Variants in ZRANB3 observed in about 807,000 individuals in gnomAD.
The protein encoded by ZRANB3 is DNA annealing helicase and endonuclease ZRANB3.
In ZRANB3, 125 loss-of-function variants were observed where a neutral mutation model predicts 133.8. The ratio of observed to expected loss-of-function variants is 0.93; its 90% CI spans 0.81 to 1.08. The LOEUF (loss-of-function observed/expected upper bound fraction) is 1.08. Ranked by LOEUF, ZRANB3 falls within the 50% of genes least tolerant of loss-of-function variation. The probability of loss-of-function intolerance (pLI) is 0.00; values close to 1 mark genes in which losing one functional copy is unlikely to be tolerated. For synonymous variants in ZRANB3, 387 were observed against 432.7 expected, an observed-to-expected ratio of 0.89 and a Z score of 1.31; for missense variants, 1,229 against 1,275.5, an observed-to-expected ratio of 0.96 and a Z score of 0.56.
chr2:135,414,855 C>T (rs1688481523), intron 2 of ZRANB3, among the ~76,000 whole-genome samples: 2 of 152,114 alleles, frequency 1.3e-5, no homozygotes, highest in South Asian at 4.1e-4. Context: ...TGAATGACTA[C>T]TGGGTATATA....
chr2:135,262,430 G>A (rs1680010885), intron 12 of ZRANB3, among the ~76,000 whole-genome samples: 1 of 152,000 alleles, frequency 6.6e-6, no homozygotes, highest in Non-Finnish European at 1.5e-5. Flanking sequence ...TTTCTGATCA[G>A]TTCTTTGAAA....
intron 12 of ZRANB3, among the ~76,000 whole-genome samples, chr2:135,253,115 G>A (rs1679482838): frequency 6.6e-6 from 1 of 152,204 alleles, no homozygotes; most frequent in African/African-American, 2.4e-5. Context: ...GTGCCTGATA[G>A]TACCAAAGTA....
chr2:135,275,303 C>T (rs182820244), intron 9 of ZRANB3, among the ~76,000 whole-genome samples: 1,504 of 147,218 alleles, frequency 0.01, 21 homozygotes, highest in African/African-American at 0.038. Flanking sequence ...GGGGGCTGCC[C>T]CCCACCTCCC....
At chr2:135,316,967 G>GAAAAAAAAAA (rs36092486) in intron 6 of ZRANB3, among the ~76,000 whole-genome samples, 1 of 98,132 alleles carries the variant, frequency 1.0e-5, no homozygotes, top group Non-Finnish European at 2.4e-5. Context: ...TCCGTCTCGA[G>GAAAAAAAAAA]AAAAAAAAAA....
intron 2 of ZRANB3, among the ~76,000 whole-genome samples, chr2:135,399,399 G>A (rs560931690): frequency 3.5e-4 from 54 of 152,244 alleles, no homozygotes; most frequent in Admixed American, 1.2e-3. Flanking sequence ...AAAATTCACA[G>A]GTTTTTAAAA....
chr2:135,261,080 T>C (rs1679941123), intron 12 of ZRANB3, among the ~76,000 whole-genome samples: 1 of 151,228 alleles, frequency 6.6e-6, no homozygotes, highest in Non-Finnish European at 1.5e-5. Context: ...ATAAAAATTT[T>C]TGAGTCAAAG....
intron 2 of ZRANB3, among the ~76,000 whole-genome samples, chr2:135,444,711 A>C (rs1316190836): frequency 6.6e-6 from 1 of 152,224 alleles, no homozygotes; most frequent in Non-Finnish European, 1.5e-5. Flanking sequence ...GGTAAAACGG[A>C]AATTCTAAAA....
chr2:135,448,399 C>T (rs1202083304), intron 2 of ZRANB3, among the ~76,000 whole-genome samples: 3 of 152,298 alleles, frequency 2.0e-5, no homozygotes, highest in East Asian at 1.9e-4. Flanking sequence ...TATGATGAAA[C>T]TTCAATCACA....
chr2:135,218,265 G>A (rs1296776592), intron 16 of ZRANB3, among the ~76,000 whole-genome samples: 1 of 152,160 alleles, frequency 6.6e-6, no homozygotes, highest in Admixed American at 6.5e-5. Context: ...AGGCAAAACT[G>A]GGTGACAGAA....
At chr2:135,223,428 C>T (rs1003351957) in intron 15 of ZRANB3, among the ~76,000 whole-genome samples, 1 of 150,916 alleles carries the variant, frequency 6.6e-6, no homozygotes, top group African/African-American at 2.4e-5. Flanking sequence ...CAGGTTCAAG[C>T]GATTCTCCTG....
chr2:135,355,516 C>A (rs1685393528), intron 3 of ZRANB3, among the ~76,000 whole-genome samples: 1 of 152,084 alleles, frequency 6.6e-6, no homozygotes, highest in African/African-American at 2.4e-5. Context: ...CCCCACCACG[C>A]CTGGCTAATT....
intron 2 of ZRANB3, among the ~76,000 whole-genome samples, chr2:135,414,419 A>C (rs898862708): frequency 1.3e-5 from 2 of 152,200 alleles, no homozygotes; most frequent in African/African-American, 4.8e-5. Flanking sequence ...CTAAATATAT[A>C]TGCACCCAAT....
rs921036948 is a variant in ZRANB3 at position 135,338,570 on chromosome 2, G to A, written c.677+6980C>T. Among the ~76,000 whole-genome samples, 5 of 152,196 alleles carry A rather than the reference G, an allele frequency of 3.3e-5. No homozygotes were observed. In the South Asian group the frequency reaches 6.2e-4, roughly 19 times the overall value. Reference sequence around the variant, plus strand: ...CAAGACATCCAGGGAAAATCAGTGCGTGTGTTTTACACATATACATTTTAA... The same window carrying A: ...CAAGACATCCAGGGAAAATCAGTGCATGTGTTTTACACATATACATTTTAA... On this transcript the variant is annotated intron_variant, in intron 6 of 20. Transcript: ENST00000264159.
intron 2 of ZRANB3, among the ~76,000 whole-genome samples, chr2:135,492,636 G>C (rs1692441832): frequency 6.6e-6 from 1 of 151,934 alleles, no homozygotes; most frequent in African/African-American, 2.4e-5. Flanking sequence ...AAAAAGTAAA[G>C]GTAATTTACA....
rs534209413 is a variant in ZRANB3, at chr2:135,279,970, T to C, written c.967-4215A>G. On this transcript the variant is annotated intron_variant, in intron 8 of 20. Coordinates refer to ENST00000264159, the MANE Select transcript of ZRANB3 (RefSeq NM_032143.4). ...TTACATAGATTTTCATTTTAAAATG[T>C]ACTATGCATGCATTTTAACTATTTT... Among the ~76,000 whole-genome samples, 3 of 152,348 alleles carry C rather than the reference T, an allele frequency of 2.0e-5. No homozygotes were observed. In the South Asian group the frequency reaches 6.2e-4, roughly 32 times the overall value.
At chr2:135,255,717 C>CATG (rs758952683) in intron 12 of ZRANB3, among the ~76,000 whole-genome samples, 1 of 151,584 alleles carries the variant, frequency 6.6e-6, no homozygotes, top group Non-Finnish European at 1.5e-5. Flanking sequence ...GGCATGGTGG[C>CATG]ATGATGATAG....
At chr2:135,317,638 T>C (rs576974786) in intron 6 of ZRANB3, among the ~76,000 whole-genome samples, 1 of 152,282 alleles carries the variant, frequency 6.6e-6, no homozygotes, top group Admixed American at 6.5e-5. Context: ...TGCAGATCTG[T>C]TTTGAAGTCT....
Position 135,484,050 on chromosome 2 carries a change from A to G in ZRANB3, c.161+20279T>C, listed in dbSNP as rs1323764739. Among the ~76,000 whole-genome samples, 5 of 151,982 alleles carry G rather than the reference A, an allele frequency of 3.3e-5. 1 individual carries two copies. The highest frequency in any genetic ancestry group is 1.2e-4 in the African/African-American group (5 of 41,380). ...CTTCCAAGTATGTGGTCAATTTTGG[A>G]ATAGGTGTGGTGTGGTGCTGAAAAA... On this transcript the variant is annotated intron_variant, in intron 2 of 20. Transcript: ENST00000264159.
intron 13 of ZRANB3, among the ~76,000 whole-genome samples, chr2:135,229,715 A>G (rs1222275035): frequency 6.6e-6 from 1 of 152,164 alleles, no homozygotes; most frequent in Non-Finnish European, 1.5e-5. Flanking sequence ...GATGTGTACA[A>G]TTATTACAAC....
Sources: allele counts gnomAD v4.1 joint callset (sites outside exome capture counted in the v4.1 genomes callset), GRCh38; gene constraint gnomAD v4.1.1; transcripts MANE v1.5; gene names NCBI Gene and HGNC (gene_info 2026-07-23, HGNC 2026-07-21).